Variants in STEAP1B observed in about 807,000 individuals in gnomAD.
STEAP1B encodes the protein STEAP family member 1B.
STEAP1B carries 13 observed loss-of-function variants against 27.9 expected under a neutral mutation model. The ratio of observed to expected loss-of-function variants is 0.47; its 90% CI spans 0.30 to 0.74. The LOEUF (loss-of-function observed/expected upper bound fraction) is 0.74. Ranked by LOEUF, STEAP1B falls within the 30% of genes least tolerant of loss-of-function variation. The probability of loss-of-function intolerance (pLI) is 0.06; values close to 1 mark genes in which losing one functional copy is unlikely to be tolerated. For synonymous variants in STEAP1B, 86 were observed against 107.1 expected (o/e 0.80, Z 1.22); for missense variants, 250 against 298.7 (o/e 0.84, Z 1.20).
At chr7:22,465,238 GC>G (rs555895532) in intron 4 of STEAP1B, among the ~76,000 whole-genome samples, 113 of 151,780 alleles carry the variant, frequency 7.4e-4, no homozygotes, top group South Asian at 4.6e-3. Flanking sequence ...ACTCAGGATG[GC>G]CCCCAATGTA....
chr7:22,435,897 G>A (rs1785247455), intron 4 of STEAP1B, among the ~76,000 whole-genome samples: 1 of 152,170 alleles, frequency 6.6e-6, no homozygotes, highest in Admixed American at 6.5e-5. Flanking sequence ...GCTTCTGCCA[G>A]AATGACTTGC....
chr7:22,469,736 G>C (rs1433589823), intron 4 of STEAP1B, among the ~76,000 whole-genome samples: 1 of 152,150 alleles, frequency 6.6e-6, no homozygotes, highest in East Asian at 1.9e-4. Flanking sequence ...CTAGGTTAGC[G>C]TAAGTACACT....
chr7:22,437,896 T>C (rs1418798088), intron 4 of STEAP1B, among the ~76,000 whole-genome samples: 7 of 152,212 alleles, frequency 4.6e-5, no homozygotes, highest in African/African-American at 1.4e-4. Context: ...ATTGGTCAAG[T>C]GTACATCTTT....
Position 22,494,817 on chromosome 7 carries a change from A to C in STEAP1B, c.39T>G (p.Ile13Met), listed in dbSNP as rs746611543. Residue 13 changes from isoleucine to methionine, a missense_variant, in exon 2 of 5, where the codon ATT (isoleucine) becomes ATG (methionine). Physicochemically the swap from Ile to Met is conservative, Grantham distance 10. Coordinates refer to ENST00000678116, the MANE Select transcript of STEAP1B (RefSeq NM_001382447.1). ...SRKDITNQEE[I>M]WKMKPRRNLE... is the part of the protein sequence containing the mutation. ...AATTTCTCCTAGGCTTCATTTTCCAAATTTCTTCTTGGTTTGTGATGTCTT... is the reference window on the plus strand; with the variant it reads ...AATTTCTCCTAGGCTTCATTTTCCACATTTCTTCTTGGTTTGTGATGTCTT... 2 of 1,589,962 alleles carry C rather than the reference A, an allele frequency of 1.3e-6. No homozygotes were observed. The highest frequency in any genetic ancestry group is 2.7e-5 in the African/African-American group (2 of 74,054).
chr7:22,440,828 A>G (rs1442509138), intron 4 of STEAP1B, among the ~76,000 whole-genome samples: 1 of 151,980 alleles, frequency 6.6e-6, no homozygotes, highest in Non-Finnish European at 1.5e-5. Context: ...TTACAGGTAG[A>G]TATGACTAAG....
intron 4 of STEAP1B, among the ~76,000 whole-genome samples, chr7:22,476,680 G>C (rs1785977755): frequency 6.6e-6 from 1 of 152,186 alleles, no homozygotes; most frequent in Admixed American, 6.5e-5. Context: ...CTGCCATACA[G>C]GGTCATTCTT....
chr7:22,486,927 G>A (rs1786220036), intron 4 of STEAP1B, among the ~76,000 whole-genome samples: 2 of 152,142 alleles, frequency 1.3e-5, no homozygotes, highest in African/African-American at 2.4e-5. Flanking sequence ...CCCCAGGAAG[G>A]TGTCCGTAAA....
chr7:22,485,289 C>G (rs1266980803), intron 4 of STEAP1B, among the ~76,000 whole-genome samples: 1 of 152,196 alleles, frequency 6.6e-6, no homozygotes. Context: ...CCACAGCCAC[C>G]TAGCCTTTAG....
chr7:22,481,174 G>A (rs763540326), intron 4 of STEAP1B, among the ~76,000 whole-genome samples: 3 of 152,162 alleles, frequency 2.0e-5, no homozygotes, highest in African/African-American at 4.8e-5. Flanking sequence ...TGTGACCGCC[G>A]CTATGGGTTT....
At chr7:22,433,533 CAA>C (rs1785216782) in intron 4 of STEAP1B, among the ~76,000 whole-genome samples, 7 of 150,868 alleles carry the variant, frequency 4.6e-5, no homozygotes. Flanking sequence ...CACAAAAGCA[CAA>C]AGACAGGTTA....
chr7:22,425,676 C>T, intron 4 of STEAP1B, among the ~76,000 whole-genome samples: 1 of 152,198 alleles, frequency 6.6e-6, no homozygotes, highest in Admixed American at 6.5e-5. Flanking sequence ...CTATAATTAT[C>T]AAGGTACCAA....
chr7:22,449,200 C>T (rs1785450396), intron 4 of STEAP1B, among the ~76,000 whole-genome samples: 1 of 152,098 alleles, frequency 6.6e-6, no homozygotes, highest in Non-Finnish European at 1.5e-5. Context: ...TGACTATAGT[C>T]ACCCTGTTGT....
intron 4 of STEAP1B, among the ~76,000 whole-genome samples, chr7:22,449,416 C>T (rs1455977005): frequency 6.6e-6 from 1 of 152,192 alleles, no homozygotes; most frequent in African/African-American, 2.4e-5. Context: ...CTGTGACTGG[C>T]TTATTTCATT....
intron 4 of STEAP1B, among the ~76,000 whole-genome samples, chr7:22,442,102 T>C (rs906349641): frequency 6.6e-6 from 1 of 152,178 alleles, no homozygotes; most frequent in Non-Finnish European, 1.5e-5. Flanking sequence ...TGTAAGTACT[T>C]GTGGAATGAA....
intron 4 of STEAP1B, among the ~76,000 whole-genome samples, chr7:22,429,492 G>A (rs984054108): frequency 9.9e-5 from 15 of 152,116 alleles, no homozygotes; most frequent in African/African-American, 3.4e-4. Context: ...TGTCTGAAGA[G>A]TGGGTATTAC....
chr7:22,420,267 A>G (rs1374429076), intron 4 of STEAP1B, among the ~76,000 whole-genome samples: 1 of 152,180 alleles, frequency 6.6e-6, no homozygotes, highest in Non-Finnish European at 1.5e-5. Context: ...AAAGTGTGTA[A>G]AAGTGGCTTC....
chr7:22,429,243 A>G (rs1170883471), intron 4 of STEAP1B, among the ~76,000 whole-genome samples: 1 of 152,254 alleles, frequency 6.6e-6, no homozygotes, highest in Non-Finnish European at 1.5e-5. Flanking sequence ...ACAAAGAGAC[A>G]AAGTTTGTAA....
At chr7:22,463,651 G>A (rs978990164) in intron 4 of STEAP1B, among the ~76,000 whole-genome samples, 36 of 152,188 alleles carry the variant, frequency 2.4e-4, no homozygotes, top group Non-Finnish European at 3.8e-4. Context: ...AAATAACGCC[G>A]CGTATCTACA....
At chr7:22,451,529 T>A (rs1785489262) in intron 4 of STEAP1B, among the ~76,000 whole-genome samples, 1 of 152,226 alleles carries the variant, frequency 6.6e-6, no homozygotes. Context: ...AATATAGCTG[T>A]TGGTCTGTCA....
Sources: allele counts gnomAD v4.1 joint callset (sites outside exome capture counted in the v4.1 genomes callset), GRCh38; gene constraint gnomAD v4.1.1; transcripts MANE v1.5; gene names NCBI Gene and HGNC (gene_info 2026-07-23, HGNC 2026-07-21).